NTM: variants seen among roughly 807,000 people sequenced by gnomAD.
The protein encoded by NTM is neurotrimin.
NTM carries 13 observed loss-of-function variants against 42.1 expected under a neutral mutation model. That is an observed-to-expected ratio of 0.31 (90% CI 0.20 to 0.49). The LOEUF is 0.49. NTM is among the 20% of genes least tolerant of loss of function. The pLI, the probability that NTM is intolerant of heterozygous loss-of-function variation, is 0.99. For missense variants in NTM, 373 were observed against 452.8 expected, an observed-to-expected ratio of 0.82 and a Z score of 1.60; for synonymous variants, 187 against 179.2, an observed-to-expected ratio of 1.04 and a Z score of -0.35.
intron 1 of NTM, among the ~76,000 whole-genome samples, chr11:131,527,772 G>C (rs2050707704): frequency 1.3e-5 from 2 of 152,180 alleles, no homozygotes; most frequent in South Asian, 4.1e-4. Flanking sequence ...TATATTAATA[G>C]ATGAGAGGCA....
At chr11:131,541,585 A>T (rs941177771) in intron 1 of NTM, among the ~76,000 whole-genome samples, 1 of 151,948 alleles carries the variant, frequency 6.6e-6, no homozygotes, top group Non-Finnish European at 1.5e-5. Flanking sequence ...TTTGGGAGCT[A>T]TGTAAAGCCA....
chr11:131,962,543 C>T (rs1359623097), intron 2 of NTM, among the ~76,000 whole-genome samples: 5 of 152,202 alleles, frequency 3.3e-5, no homozygotes, highest in Admixed American at 1.3e-4. Flanking sequence ...AACCAGGAGG[C>T]GGGCCCTTGC....
chr11:131,888,317 A>C (rs1416392307), intron 1 of NTM, among the ~76,000 whole-genome samples: 2 of 152,054 alleles, frequency 1.3e-5, no homozygotes, highest in Non-Finnish European at 2.9e-5. Flanking sequence ...ACAAAAAAAG[A>C]ATGAATGAGA....
chr11:131,969,456 T>G (rs2063249412), intron 2 of NTM, among the ~76,000 whole-genome samples: 2 of 152,262 alleles, frequency 1.3e-5, no homozygotes, highest in South Asian at 4.1e-4. Flanking sequence ...AAACTGTGTC[T>G]TCTTGACATA....
chr11:131,769,728 C>A lies in NTM; in HGVS notation c.83-141836C>A, dbSNP rs117663903. The A allele has an allele frequency of 3.2e-5, 7 of 215,820 alleles. No homozygotes were observed. In the East Asian group the frequency reaches 1.3e-3, roughly 40 times the overall value. 13.4% of individuals were successfully genotyped at this position (215,820 alleles called of 1,614,324 possible). A position where few individuals can be genotyped will look rare whatever the true frequency, so the allele number is the denominator to read the frequency against. The stretch of plus-strand genomic sequence containing the variant: ...AGGCGGCACAGCCAGTGACTTGGAT[C>A]AAGGCCTTTGGTGTCAAATGCTGTG... On this transcript the variant is annotated intron_variant, in intron 1 of 8. Coordinates refer to ENST00000683400, the MANE Select transcript of NTM (RefSeq NM_001352005.2).
At chr11:131,867,600 CTG>C (rs1036680059) in intron 1 of NTM, among the ~76,000 whole-genome samples, 1 of 150,480 alleles carries the variant, frequency 6.6e-6, no homozygotes, top group African/African-American at 2.4e-5. Flanking sequence ...GTACACATAC[CTG>C]TGTGTGTATG....
chr11:131,569,855 A>G (rs1397326970), intron 1 of NTM, among the ~76,000 whole-genome samples: 1 of 152,196 alleles, frequency 6.6e-6, no homozygotes, highest in East Asian at 1.9e-4. Context: ...CTCTGGGATA[A>G]TAGGCATAGG....
chr11:132,027,721 G>GT (rs1308674191), intron 2 of NTM, among the ~76,000 whole-genome samples: 2 of 152,224 alleles, frequency 1.3e-5, no homozygotes, highest in Middle Eastern at 3.4e-3. Flanking sequence ...CCTAGGTGTA[G>GT]TTTTTTGGTA....
intron 1 of NTM, among the ~76,000 whole-genome samples, chr11:131,630,089 G>A (rs545223659): frequency 1.3e-5 from 2 of 152,216 alleles, no homozygotes; most frequent in South Asian, 4.1e-4. Context: ...GAAAATTATT[G>A]GAAGCTCCCA....
intron 2 of NTM, among the ~76,000 whole-genome samples, chr11:131,989,854 G>A (rs1287832123): frequency 6.6e-6 from 1 of 152,050 alleles, no homozygotes; most frequent in East Asian, 1.9e-4. Context: ...CCATGTGAAT[G>A]CTCTTAAAGC....
At chr11:132,228,091 C>A (rs947127977) in intron 4 of NTM, among the ~76,000 whole-genome samples, 8 of 152,310 alleles carry the variant, frequency 5.3e-5, no homozygotes, top group Middle Eastern at 3.4e-3. Context: ...CTGGCCCACA[C>A]ACAAGAAGTC....
chr11:131,609,300 G>C (rs1388478408), intron 1 of NTM, among the ~76,000 whole-genome samples: 1 of 152,208 alleles, frequency 6.6e-6, no homozygotes, highest in Non-Finnish European at 1.5e-5. Context: ...ATGGTGTGCT[G>C]TTTGCATTGT....
chr11:131,375,679 G>A (rs529734781), intron 1 of NTM, among the ~76,000 whole-genome samples: 1 of 152,290 alleles, frequency 6.6e-6, no homozygotes, highest in South Asian at 2.1e-4. Context: ...CTGGAGGTAG[G>A]AGTTTCAGAA....
chr11:132,063,456 A>C (rs1384412142), intron 2 of NTM, among the ~76,000 whole-genome samples: 1 of 152,194 alleles, frequency 6.6e-6, no homozygotes, highest in African/African-American at 2.4e-5. Flanking sequence ...CCGTCTATTA[A>C]TGAGAGGGTG....
At chr11:131,987,656 A>G (rs907334853) in intron 2 of NTM, among the ~76,000 whole-genome samples, 1 of 152,234 alleles carries the variant, frequency 6.6e-6, no homozygotes, top group Non-Finnish European at 1.5e-5. Context: ...TGGATTGAGT[A>G]TAAAGAAAAT....
At chr11:131,911,216 C>T (rs2054876615) in intron 1 of NTM, 3 of 1,388,502 alleles carry the variant, frequency 2.2e-6, no homozygotes, top group African/African-American at 1.5e-5. Context: ...GCCACCTTCC[C>T]GGCGGAAGCA....
At chr11:131,591,280 G>T (rs1007649008) in intron 1 of NTM, among the ~76,000 whole-genome samples, 2 of 152,300 alleles carry the variant, frequency 1.3e-5, no homozygotes, top group South Asian at 4.1e-4. Context: ...GGGGAAAGGG[G>T]GGCCCTCCTG....
chr11:131,841,420 A>AT (rs2044228724), intron 1 of NTM, among the ~76,000 whole-genome samples: 1 of 152,176 alleles, frequency 6.6e-6, no homozygotes, highest in African/African-American at 2.4e-5. Flanking sequence ...AAATAAGATC[A>AT]TTTTTGCACT....
chr11:131,627,734 G>T (rs568246451), intron 1 of NTM, among the ~76,000 whole-genome samples: 1 of 152,204 alleles, frequency 6.6e-6, no homozygotes, highest in South Asian at 2.1e-4. Context: ...TGGATGCTGA[G>T]GTAGGAGGAT....
Sources: gnomAD v4.1 joint callset for allele counts (sites outside exome capture counted in the v4.1 genomes callset) on GRCh38, gnomAD v4.1.1 for gene constraint, MANE v1.5 for transcripts, NCBI Gene and HGNC (gene_info 2026-07-23, HGNC 2026-07-21) for gene names.